Variants in RAD9A observed in about 807,000 individuals in gnomAD.
RAD9A encodes the protein cell cycle checkpoint control protein RAD9A.
RAD9A carries 25 observed loss-of-function variants against 41.2 expected under a neutral mutation model. That is an observed-to-expected ratio of 0.61 (90% CI 0.44 to 0.85). RAD9A has a LOEUF of 0.85. Among genes scored for constraint, RAD9A ranks in the 40% least tolerant of loss-of-function variants. The probability of loss-of-function intolerance (pLI) is 0.00; values close to 1 mark genes in which losing one functional copy is unlikely to be tolerated. For missense variants in RAD9A, 514 were observed against 518.3 expected (o/e 0.99, Z 0.08); for synonymous variants, 252 against 210.6 (o/e 1.20, Z -1.70).
Position 67,397,783 on chromosome 11 carries a change from C to T in RAD9A, c.*224C>T, listed in dbSNP as rs17881103. 0.04 allele frequency: 22,185 copies of T among 561,454 alleles called. 583 individuals carry two copies. The highest frequency in any genetic ancestry group is 0.058 in the Middle Eastern group (123 of 2,138). The allele number at this position is 561,454 out of a possible 1,614,324, so 34.8% of individuals were successfully genotyped here. A position where few individuals can be genotyped will look rare whatever the true frequency, so the allele number is the denominator to read the frequency against. On this transcript the variant is annotated 3_prime_UTR_variant, in exon 11 of 11. Coordinates refer to ENST00000307980, the MANE Select transcript of RAD9A (RefSeq NM_004584.3). ...ACAACCCCCAGCCAATCAGGACTTT[C>T]CAGACTTGGCCCTGAACTACTGACG...
At chr11:67,392,255 C>CTTG in intron 2 of RAD9A, 24 bp downstream of exon 2, 1 of 453,536 alleles carries the variant, frequency 2.2e-6, no homozygotes, top group East Asian at 5.1e-5. Flanking sequence ...GTGTGGGGGG[C>CTTG]GGGTGGGACT....
intron 5 of RAD9A, among the ~76,000 whole-genome samples, chr11:67,394,501 A>G (rs1862622754): frequency 6.6e-6 from 1 of 152,146 alleles, no homozygotes; most frequent in South Asian, 2.1e-4. Flanking sequence ...TCTCAGGGTG[A>G]CTGAAGATCC....
Position 67,392,715 on chromosome 11 carries a change from T to C in RAD9A, c.167T>C (p.Leu56Pro). The C allele has an allele frequency of 1.2e-6, 2 of 1,613,988 alleles. No individual in the cohort carries two copies. Among genetic ancestry groups the C allele is most frequent in the Middle Eastern group, 3.3e-4 (2 of 6,062 alleles). The change falls in exon 3 of 11, where the codon CTC becomes CCC. Residue 56 changes from leucine to proline, a missense_variant. By Grantham distance (98) the Leu-to-Pro change is moderately conservative (BLOSUM62 -3). Transcript: ENST00000307980. ...TATGCCTGCTTTCTCTTTGCCCCGC[T>C]CTTCTTCCAGCAATACCAGGCAGCC... ...SAYACFLFAPLFFQQYQAATP... is the reference protein window; with the variant it reads ...SAYACFLFAPPFFQQYQAATP...
intron 2 of RAD9A, 23 bp downstream of exon 2, chr11:67,392,254 G>GTT: frequency 2.0e-6 from 3 of 1,500,942 alleles, no homozygotes; most frequent in Non-Finnish European, 2.7e-6. Context: ...GGTGTGGGGG[G>GTT]CGGGTGGGAC....
chr11:67,393,910 A>G, intron 5 of RAD9A, 120 bp downstream of exon 5: 2 of 859,976 alleles, frequency 2.3e-6, no homozygotes, highest in Non-Finnish European at 3.4e-6. Flanking sequence ...TGTGAACCTC[A>G]AAGACATCCC....
At position 67,398,275 on chromosome 11, in the gene RAD9A, C is replaced by G. The variant is rs532870769; in HGVS notation, c.*716C>G. 1.9e-6 allele frequency: 1 copy of G among 514,610 alleles called. No homozygotes were observed. Among genetic ancestry groups the G allele is most frequent in the Non-Finnish European group, 3.4e-6 (1 of 290,054 alleles). 31.9% of individuals were successfully genotyped at this position (514,610 alleles called of 1,614,324 possible). On this transcript the variant is annotated 3_prime_UTR_variant, in exon 11 of 11. Coordinates refer to ENST00000307980, the MANE Select transcript of RAD9A (RefSeq NM_004584.3). Reference sequence around the variant, plus strand: ...GAGGCCAAGCACGGCTGGAGACCCACGACCTGGCCTGCCGTTGCCCTGAGC... The same window carrying G: ...GAGGCCAAGCACGGCTGGAGACCCAGGACCTGGCCTGCCGTTGCCCTGAGC...
Position 67,398,252 on chromosome 11 carries a change from G to A in RAD9A, c.*693G>A, listed in dbSNP as rs1034046428. The A allele has an allele frequency of 5.3e-5, 25 of 470,208 alleles. No individual in the cohort carries two copies. The highest frequency in any genetic ancestry group is 8.4e-5 in the Non-Finnish European group (22 of 263,310). The allele number at this position is 470,208 out of a possible 1,614,324, so 29.1% of individuals were successfully genotyped here. A position where few individuals can be genotyped will look rare whatever the true frequency, so the allele number is the denominator to read the frequency against. On this transcript the variant is annotated 3_prime_UTR_variant, in exon 11 of 11. Transcript: ENST00000307980. The stretch of plus-strand genomic sequence containing the variant: ...CCCAGGATCCGGCTGCCAGCCCTGA[G>A]GCCAAGCACGGCTGGAGACCCACGA...
chr11:67,393,379 G>T (rs534790737), intron 3 of RAD9A, 117 bp from the exon 4 acceptor site: 8 of 1,475,404 alleles, frequency 5.4e-6, no homozygotes, highest in Non-Finnish European at 7.2e-6. Flanking sequence ...CCGAGGTGAC[G>T]TGGGAGCCCT....
rs1364831972 is a variant in RAD9A, at chr11:67,392,177, C to A, written c.51C>A (p.Val17=). The change falls in exon 2 of 11, where the codon GTC becomes GTA. Residue 17 remains valine (V), a synonymous_variant. Transcript: ENST00000307980. The part of the protein sequence containing the change: ...GGNVKVLGKA[V]HSLSRIGDEL... ...TCCCCGCAGTGCTCGGCAAGGCCGT[C>A]CACTCCCTGTCCCGCATCGGGGACG... The A allele has an allele frequency of 3.1e-6, 5 of 1,612,522 alleles. No homozygotes were observed. Among genetic ancestry groups the A allele is most frequent in the Non-Finnish European group, 4.2e-6 (5 of 1,179,824 alleles).
intron 5 of RAD9A, among the ~76,000 whole-genome samples, chr11:67,394,624 C>CTT (rs111881362): frequency 0.019 from 2,693 of 138,570 alleles, 41 homozygotes; most frequent in Non-Finnish European, 0.025. Flanking sequence ...AGGGTGGTGT[C>CTT]TTTTTTTTTT....
chr11:67,396,097 C>T lies in RAD9A; in HGVS notation c.670-14C>T. 2 of 1,613,702 alleles carry T rather than the reference C, an allele frequency of 1.2e-6. No homozygotes were observed. Among genetic ancestry groups the T allele is most frequent in the Non-Finnish European group, 1.7e-6 (2 of 1,179,612 alleles). ...CCCAGCCCGGGGCCTCACCTGCTAC[C>T]TCTTTCCTCCCAGGGGCTCCTGAGC... On this transcript the variant is annotated splice_polypyrimidine_tract_variant and intron_variant, in intron 7 of 10. Coordinates refer to ENST00000307980, the MANE Select transcript of RAD9A (RefSeq NM_004584.3).
In RAD9A at chr11:67,393,768, C is replaced by A; in HGVS notation, c.427C>A (p.His143Asn). Residue 143 changes from histidine to asparagine, a missense_variant, in exon 5 of 11, where the codon CAC becomes AAC. Physicochemically the swap from His to Asn is moderately conservative, Grantham distance 68. Transcript: ENST00000307980. ...QAVFDPASCP[H>N]MLRAPARVLG... ...CGTCTTCGACCCAGCCTCGTGCCCC[C>A]ACATGCTCCGCGCCCCAGCACGGTG... 1.2e-6 allele frequency: 2 copies of A among 1,610,782 alleles called. No homozygotes were observed. The highest frequency in any genetic ancestry group is 1.1e-5 in the South Asian group (1 of 90,600).
intron 5 of RAD9A, among the ~76,000 whole-genome samples, chr11:67,394,350 G>C (rs1186006996): frequency 1.3e-5 from 2 of 152,204 alleles, no homozygotes; most frequent in African/African-American, 4.8e-5. Context: ...CCGAGCACTG[G>C]GGGCTGTCTG....
In RAD9A at chr11:67,392,183, CCT is replaced by C; in HGVS notation, c.58_59del (p.Leu20ValfsTer54). On this transcript the variant is annotated frameshift_variant, in exon 2 of 11. Coordinates refer to ENST00000307980, the MANE Select transcript of RAD9A (RefSeq NM_004584.3). LOFTEE classifies it high-confidence loss of function. ...CAGTGCTCGGCAAGGCCGTCCACTC[CCT>C]GTCCCGCATCGGGGACGAGCTCTAC... ...VKVLGKAVHS[L>X]SRIGDELYLE... 1 of 1,611,680 alleles carries C rather than the reference CCT, an allele frequency of 6.2e-7. No individual in the cohort carries two copies.
At position 67,392,675 on chromosome 11, in the gene RAD9A, T is replaced by C; in HGVS notation, c.127T>C (p.Ser43Pro). The C allele has an allele frequency of 6.2e-7, 1 of 1,613,878 alleles. No individual in the cohort carries two copies. Among genetic ancestry groups the C allele is most frequent in the Non-Finnish European group, 8.5e-7 (1 of 1,179,958 alleles). ...EDGLSLRTVN[S>P]SRSAYACFLF... ...CCAGCTCTCCCTCCGGACGGTGAAC[T>C]CCTCCCGCTCTGCCTATGCCTGCTT... is the stretch of plus-strand genomic sequence containing the variant. The change falls in exon 3 of 11, where the codon TCC becomes CCC. Residue 43 changes from serine to proline, a missense_variant. This residue lies in a region of RAD9A where 268 missense variants were observed against 279.3 expected (regional missense o/e 0.96). Transcript: ENST00000307980.
In RAD9A at chr11:67,397,341, T is replaced by C; in HGVS notation, c.1035T>C (p.Asp345=). Residue 345 remains aspartate, a synonymous_variant, in exon 10 of 11, where the codon GAT becomes GAC. Transcript: ENST00000307980. ...KSPGPHSEEE[D]EAEPSTVPGT... is the part of the protein sequence containing the mutation. ...CCGGTCCCCACTCCGAGGAGGAAGA[T>C]GAGGCTGAGCCCAGTACAGTGCCTG... The C allele has an allele frequency of 1.9e-6, 3 of 1,589,920 alleles. No homozygotes were observed. Among genetic ancestry groups the C allele is most frequent in the Non-Finnish European group, 2.6e-6 (3 of 1,169,284 alleles).
In RAD9A at chr11:67,397,063, T is replaced by A; in HGVS notation, c.873-116T>A. 4.2e-6 allele frequency: 3 copies of A among 711,376 alleles called. No individual in the cohort carries two copies. The South Asian group carries it at 5.1e-5, about 12-fold the overall frequency. The allele number at this position is 711,376 out of a possible 1,614,324, so 44.1% of individuals were successfully genotyped here. A position where few individuals can be genotyped will look rare whatever the true frequency, so the allele number is the denominator to read the frequency against. On this transcript the variant is annotated intron_variant, in intron 9 of 10. Coordinates refer to ENST00000307980, the MANE Select transcript of RAD9A (RefSeq NM_004584.3). The stretch of plus-strand genomic sequence containing the variant: ...CCTCTCCAGCCAAATCAGGAAGTCA[T>A]AAAACCAAGAGATCTCCAGTGGTCG...
Position 67,396,355 on chromosome 11 carries a change from G to A in RAD9A, c.827G>A (p.Gly276Asp). The A allele has an allele frequency of 6.2e-7, 1 of 1,613,906 alleles. No homozygotes were observed. ...SDTDSHSQDL[G>D]SPERHQPVPQ... is the part of the protein sequence containing the mutation. ...ACCGACTCGCACTCCCAGGACCTGG[G>A]CTCCCCAGAGCGTCACCAGCCAGTG... Residue 276 changes from glycine to aspartate, a missense_variant, in exon 9 of 11, where the codon GGC becomes GAC. Around this residue, in one of 3 missense-constraint regions of RAD9A, gnomAD observed 216 missense variants for 184.2 expected, o/e 1.17. Coordinates refer to ENST00000307980, the MANE Select transcript of RAD9A (RefSeq NM_004584.3).
At chr11:67,392,597 G>A in intron 2 of RAD9A, 57 bp from the exon 3 acceptor site, 1 of 1,603,706 alleles carries the variant, frequency 6.2e-7, no homozygotes. Flanking sequence ...GCAGCCAGAG[G>A]GCTGGGTCTG....
Sources: allele counts gnomAD v4.1 joint callset (sites outside exome capture counted in the v4.1 genomes callset), GRCh38; gene constraint gnomAD v4.1.1; regional missense constraint gnomAD v4.1.1; transcripts MANE v1.5; gene names NCBI Gene and HGNC (gene_info 2026-07-23, HGNC 2026-07-21).